WDR1: variants seen among roughly 807,000 people sequenced by gnomAD.
The protein encoded by WDR1 is WD repeat-containing protein 1.
Under a neutral mutation model 71.9 loss-of-function variants are expected in WDR1, and 21 were observed. The observed-to-expected ratio is 0.29, with a 90% confidence interval of 0.21 to 0.42. The LOEUF (loss-of-function observed/expected upper bound fraction) is 0.42. Ranked by LOEUF, WDR1 falls within the 10% of genes least tolerant of loss-of-function variation. The pLI is 1.00. For synonymous variants in WDR1, 424 were observed against 347.4 expected, an observed-to-expected ratio of 1.22 and a Z score of -2.45; for missense variants, 696 against 824.5, an observed-to-expected ratio of 0.84 and a Z score of 1.91.
intron 8 of WDR1, 46 bp downstream of exon 8, chr4:10,087,661 T>A: frequency 6.6e-7 from 1 of 1,517,088 alleles, no homozygotes; most frequent in South Asian, 1.3e-5. Context: ...TCTGGTCTCT[T>A]CCCTGTCCAC....
intron 2 of WDR1, among the ~76,000 whole-genome samples, chr4:10,113,981 CCT>C (rs1713552589): frequency 6.6e-6 from 1 of 152,178 alleles, no homozygotes; most frequent in African/African-American, 2.4e-5. Flanking sequence ...CTCTTCCCTC[CCT>C]GAGCCTGCAT....
Position 10,088,241 on chromosome 4 carries a change from G to A in WDR1, c.717+52C>T, listed in dbSNP as rs734122. ...GGAGTGAGTGTGGATGGACTGACAC[G>A]TGGACTCGGCCAAATTCCCACCACT... On this transcript the variant is annotated intron_variant, in intron 7 of 14. Transcript: ENST00000499869. The A allele has an allele frequency of 0.3, 448,419 of 1,495,968 alleles. 69,105 individuals are homozygous for A. The highest frequency in any genetic ancestry group is 0.53 in the East Asian group (21,443 of 40,618). The allele number at this position is 1,495,968 out of a possible 1,614,324, so 92.7% of individuals were successfully genotyped here.
At chr4:10,103,387 T>C (rs1162917489) in intron 3 of WDR1, among the ~76,000 whole-genome samples, 2 of 151,894 alleles carry the variant, frequency 1.3e-5, no homozygotes, top group Non-Finnish European at 1.5e-5. Flanking sequence ...GCCAACCTCA[T>C]GGTGGCATTT....
Position 10,116,093 on chromosome 4 carries a change from C to G in WDR1, c.138+20G>C, listed in dbSNP as rs533387645. ...AGGTGGCTCCGGAGCAGAACCGCGCCCGGGGTAGGGGGTACTCACGTCGAT... is the reference window on the plus strand; with the variant it reads ...AGGTGGCTCCGGAGCAGAACCGCGCGCGGGGTAGGGGGTACTCACGTCGAT... On this transcript the variant is annotated intron_variant, in intron 2 of 14. Transcript: ENST00000499869. The G allele has an allele frequency of 6.2e-7, 1 of 1,607,020 alleles. No homozygotes were observed. Among genetic ancestry groups the G allele is most frequent in the East Asian group, 2.3e-5 (1 of 44,110 alleles).
intron 12 of WDR1, chr4:10,078,658 C>T (rs1206014565): frequency 6.3e-6 from 3 of 476,274 alleles, no homozygotes; most frequent in Non-Finnish European, 1.1e-5. Context: ...CTTGTGGGCA[C>T]CCGGGCAGTG....
At chr4:10,095,061 C>T (rs376929668) in intron 5 of WDR1, among the ~76,000 whole-genome samples, 1 of 152,216 alleles carries the variant, frequency 6.6e-6, no homozygotes, top group African/African-American at 2.4e-5. Flanking sequence ...TGGTCCCGGC[C>T]ACAGGGGGCC....
rs1711675918 is a variant in WDR1 at position 10,087,726 on chromosome 4, T to C, written c.932A>G (p.Lys311Arg). 6.3e-7 allele frequency: 1 copy of C among 1,597,364 alleles called. No individual in the cohort carries two copies. The highest frequency in any genetic ancestry group is 1.1e-5 in the South Asian group (1 of 88,202). ...CCTTACCTTGATGACGTGCAGGGGC[T>C]TGCTGGGGTTGTTTCTGTCCAGATA... ...INYLDRNNPS[K>R]PLHVIKGHSK... The change falls in exon 8 of 15, where the codon AAG (lysine) becomes AGG (arginine). Residue 311 changes from lysine to arginine, a missense_variant. Lys to Arg is a conservative substitution (Grantham distance 26, BLOSUM62 2). Transcript: ENST00000499869.
chr4:10,114,042 CT>C (rs1301512056), intron 2 of WDR1, among the ~76,000 whole-genome samples: 11 of 152,142 alleles, frequency 7.2e-5, no homozygotes, highest in African/African-American at 2.7e-4. Flanking sequence ...ATTCATGTCA[CT>C]TTTTTTTCCA....
At chr4:10,084,652 G>T in intron 8 of WDR1, 122 bp from the exon 9 acceptor site, 1 of 888,068 alleles carries the variant, frequency 1.1e-6, no homozygotes, top group Non-Finnish European at 1.8e-6. Flanking sequence ...ATCCATGGCA[G>T]TGCAGGTGCT....
rs976767518 is a variant in WDR1, at chr4:10,099,197, G to A, written c.230-58C>T. Reference sequence around the variant, plus strand: ...GGCGGTGGTGGGGTAAAGGGCAGGGGGAGAGCCACAGGTCACTGCCGGGCC... The same window carrying A: ...GGCGGTGGTGGGGTAAAGGGCAGGGAGAGAGCCACAGGTCACTGCCGGGCC... On this transcript the variant is annotated intron_variant, in intron 3 of 14. Transcript: ENST00000499869. 6 of 1,335,058 alleles carry A rather than the reference G, an allele frequency of 4.5e-6. No homozygotes were observed. The African/African-American group carries it at 5.7e-5, about 13-fold the overall frequency. 82.7% of individuals were successfully genotyped at this position (1,335,058 alleles called of 1,614,324 possible). A position where few individuals can be genotyped will look rare whatever the true frequency, so the allele number is the denominator to read the frequency against.
At chr4:10,088,192 C>A in intron 7 of WDR1, 101 bp downstream of exon 7, 2 of 1,195,534 alleles carry the variant, frequency 1.7e-6, no homozygotes, top group Non-Finnish European at 2.4e-6. Context: ...TATAGCCCCT[C>A]ATTTCAAGTT....
chr4:10,116,515 G>A, intron 1 of WDR1, 136 bp downstream of exon 1: 1 of 694,990 alleles, frequency 1.4e-6, no homozygotes, highest in Non-Finnish European at 1.8e-6. Context: ...GGGCGGCCCC[G>A]CCACGCCTCC....
At chr4:10,094,292 G>A (rs1210336952) in intron 5 of WDR1, among the ~76,000 whole-genome samples, 1 of 152,210 alleles carries the variant, frequency 6.6e-6, no homozygotes, top group East Asian at 1.9e-4. Flanking sequence ...CCACACTCCA[G>A]AGGGGGCGTG....
intron 4 of WDR1, 43 bp from the exon 5 acceptor site, chr4:10,097,934 A>T: frequency 1.3e-6 from 2 of 1,490,166 alleles, no homozygotes; most frequent in Non-Finnish European, 1.8e-6. Context: ...AAAAAAAAAA[A>T]AATCAATCCC....
intron 3 of WDR1, among the ~76,000 whole-genome samples, chr4:10,099,960 G>A (rs1044249008): frequency 4.6e-5 from 7 of 152,104 alleles, no homozygotes; most frequent in Non-Finnish European, 7.4e-5. Flanking sequence ...CCCCCACCAC[G>A]ATCCTGTCAC....
chr4:10,077,275 C>A (rs1266783820), intron 14 of WDR1, 29 bp downstream of exon 14: 4 of 1,612,872 alleles, frequency 2.5e-6, no homozygotes, highest in Non-Finnish European at 3.4e-6. Context: ...CATGGGTGGT[C>A]CCTGCCAAGG....
At chr4:10,116,270 C>A (rs763667686) in intron 1 of WDR1, 36 bp from the exon 2 acceptor site, 2 of 1,612,244 alleles carry the variant, frequency 1.2e-6, no homozygotes, top group Non-Finnish European at 8.5e-7. Flanking sequence ...CATGTCAGGG[C>A]AGGGCGGGGA....
At chr4:10,078,097 C>G (rs1764870509) in intron 12 of WDR1, among the ~76,000 whole-genome samples, 171 bp from the exon 13 acceptor site, 1 of 152,224 alleles carries the variant, frequency 6.6e-6, no homozygotes, top group Non-Finnish European at 1.5e-5. Flanking sequence ...GGGCCTGAAA[C>G]CTACGCAGCT....
chr4:10,103,789 A>ACCCCCCCCCCCCCCCC, intron 3 of WDR1, 107 bp downstream of exon 3: 1 of 73,070 alleles, frequency 1.4e-5, no homozygotes, highest in Non-Finnish European at 2.9e-5. Context: ...CCCACCCCCC[A>ACCCCCCCCCCCCCCCC]CCTCCCTCCT....
Sources: gnomAD v4.1 joint callset for allele counts (sites outside exome capture counted in the v4.1 genomes callset) on GRCh38, gnomAD v4.1.1 for gene constraint, MANE v1.5 for transcripts, NCBI Gene and HGNC (gene_info 2026-07-23, HGNC 2026-07-21) for gene names.